FLNB: variants seen among roughly 807,000 people sequenced by gnomAD.
FLNB encodes filamin-B.
Under a neutral mutation model 250.6 loss-of-function variants are expected in FLNB, and 111 were observed. The observed-to-expected ratio is 0.44, with a 90% CI of 0.38 to 0.52. The LOEUF is 0.52. FLNB is among the 20% of genes least tolerant of loss of function. The pLI is 0.00. For synonymous variants in FLNB, 1,302 were observed against 1,372.1 expected, an observed-to-expected ratio of 0.95 and a Z score of 1.13; for missense variants, 2,869 against 3,447.8, an observed-to-expected ratio of 0.83 and a Z score of 4.20.
intron 1 of FLNB, among the ~76,000 whole-genome samples, chr3:58,040,939 T>A (rs755876425): frequency 5.9e-5 from 9 of 152,220 alleles, no homozygotes; most frequent in Admixed American, 3.3e-4. Context: ...TTTCTTAAAG[T>A]TTGATCATTA....
Position 58,008,759 on chromosome 3 carries a change from G to C in FLNB, c.195G>C (p.Lys65Asn). ...EVLSQKRMYR[K>N]YHQRPTFRQM... is the part of the protein sequence containing the mutation. The stretch of plus-strand genomic sequence containing the variant: ...TCAGCCAGAAGCGCATGTACCGCAA[G>C]TACCATCAGCGGCCCACCTTTCGCC... The change falls in exon 1 of 46, where the codon AAG becomes AAC. Residue 65 changes from lysine to asparagine, a missense_variant. Physicochemically the swap from Lys to Asn is moderately conservative, Grantham distance 94. Around this residue, in one of 5 missense-constraint regions of FLNB, gnomAD observed 308 missense variants for 466.1 expected, o/e 0.66. Coordinates refer to ENST00000295956, the MANE Select transcript of FLNB (RefSeq NM_001457.4). 6.2e-7 allele frequency: 1 copy of C among 1,614,076 alleles called. No homozygotes were observed. Among genetic ancestry groups the C allele is most frequent in the Non-Finnish European group, 8.5e-7 (1 of 1,179,956 alleles).
Position 58,170,515 on chromosome 3 carries a change from C to T in FLNB, c.7622-60C>T, listed in dbSNP as rs147160694. 3.4e-4 allele frequency: 534 copies of T among 1,549,328 alleles called. 2 individuals carry two copies. The East Asian group carries it at 0.011, about 33-fold the overall frequency. On this transcript the variant is annotated intron_variant, in intron 45 of 45. Coordinates refer to ENST00000295956, the MANE Select transcript of FLNB (RefSeq NM_001457.4). ...ACCTTACCTTTGGCTCTCATATTTC[C>T]TCTTCTTCCTGTGCCTGTCCTGATG...
intron 25 of FLNB, 111 bp downstream of exon 25, chr3:58,131,019 T>A: frequency 1.0e-6 from 1 of 1,003,000 alleles, no homozygotes; most frequent in Admixed American, 2.7e-5. Context: ...TAAAATTAAA[T>A]TAAAAAAAAT....
At chr3:58,008,949 GC>G in intron 1 of FLNB, 93 bp downstream of exon 1, 3 of 1,491,216 alleles carry the variant, frequency 2.0e-6, no homozygotes, top group Non-Finnish European at 2.8e-6. Flanking sequence ...CCCGCAGCGC[GC>G]CCCCACCTCG....
intron 42 of FLNB, 35 bp downstream of exon 42, chr3:58,159,721 A>T (rs748076244): frequency 3.7e-6 from 6 of 1,607,360 alleles, no homozygotes; most frequent in Non-Finnish European, 8.5e-7. Context: ...TCCCAGCACC[A>T]GCACTTTCCA....
intron 36 of FLNB, 78 bp downstream of exon 36, chr3:58,148,930 C>T: frequency 8.1e-7 from 1 of 1,230,154 alleles, no homozygotes; most frequent in Non-Finnish European, 1.2e-6. Context: ...ATCTTTTCAT[C>T]CTACCAACTC....
intron 9 of FLNB, among the ~76,000 whole-genome samples, chr3:58,102,677 C>G (rs539556189): frequency 7.4e-4 from 113 of 152,282 alleles, no homozygotes; most frequent in African/African-American, 2.7e-3. Context: ...AGGCTCTTGC[C>G]TAAGGTCATA....
At chr3:58,096,662 C>A (rs372441647) in intron 6 of FLNB, among the ~76,000 whole-genome samples, 2 of 152,144 alleles carry the variant, frequency 1.3e-5, no homozygotes, top group Admixed American at 1.3e-4. Context: ...GCACCCACAA[C>A]CACTCCCAGC....
intron 3 of FLNB, among the ~76,000 whole-genome samples, 162 bp downstream of exon 3, chr3:58,078,976 T>C (rs1481391630): frequency 6.6e-6 from 1 of 152,210 alleles, no homozygotes; most frequent in East Asian, 1.9e-4. Flanking sequence ...ATAATAATAG[T>C]AGGTTCTCAT....
chr3:58,097,797 C>A lies in FLNB; in HGVS notation c.985-18C>A. On this transcript the variant is annotated intron_variant, in intron 6 of 45. Coordinates refer to ENST00000295956, the MANE Select transcript of FLNB (RefSeq NM_001457.4). ...CAGAGAAGTGATTATGTATTTCTCA[C>A]CTATCTGTCACCTATAGGTCACAGT... 1.9e-6 allele frequency: 3 copies of A among 1,612,748 alleles called. No homozygotes were observed. Among genetic ancestry groups the A allele is most frequent in the Non-Finnish European group, 2.5e-6 (3 of 1,179,100 alleles).
chr3:58,008,436 C>A lies in FLNB; in HGVS notation c.-129C>A. 1 of 1,129,164 alleles carries A rather than the reference C, an allele frequency of 8.9e-7. No individual in the cohort carries two copies. The highest frequency in any genetic ancestry group is 1.4e-5 in the South Asian group (1 of 72,058). 69.9% of individuals were successfully genotyped at this position (1,129,164 alleles called of 1,614,324 possible). A position where few individuals can be genotyped will look rare whatever the true frequency, so the allele number is the denominator to read the frequency against. ...CGGGCGGCCGCAGAGCAGCACCGGC[C>A]GTGGCTCCGGTAGCAGCAAGTTCGA... On this transcript the variant is annotated 5_prime_UTR_variant, in exon 1 of 46. Transcript: ENST00000295956.
At chr3:58,078,408 A>G in intron 2 of FLNB, 1 of 1,534,736 alleles carries the variant, frequency 6.5e-7, no homozygotes, top group Non-Finnish European at 8.7e-7. Context: ...TCCCTCCTGC[A>G]TAAAGGCACC....
At chr3:58,017,188 G>C (rs2097106866) in intron 1 of FLNB, among the ~76,000 whole-genome samples, 1 of 152,182 alleles carries the variant, frequency 6.6e-6, no homozygotes, top group South Asian at 2.1e-4. Context: ...TGGTACAGAG[G>C]ACGGAATTAC....
chr3:58,163,268 G>T lies in FLNB; in HGVS notation c.7136G>T (p.Gly2379Val), dbSNP rs1396437130. The change falls in exon 43 of 46, where the codon GGA becomes GTA. Residue 2379 changes from glycine (G) to valine (V), a missense_variant. This residue lies in a region of FLNB where 1,084 missense variants were observed against 1,315.5 expected (regional missense o/e 0.82). Transcript: ENST00000295956. ...SPFKVRVGEP[G>V]QAGNPALVSA... ...TTCAAAGTGCGCGTTGGGGAGCCTG[G>T]ACAAGCGGGGAACCCTGCCCTGGTG... 6.2e-7 allele frequency: 1 copy of T among 1,614,252 alleles called. No individual in the cohort carries two copies. Among genetic ancestry groups the T allele is most frequent in the Admixed American group, 1.7e-5 (1 of 60,030 alleles).
intron 4 of FLNB, among the ~76,000 whole-genome samples, chr3:58,093,229 A>T (rs955210596): frequency 2.6e-5 from 4 of 152,208 alleles, no homozygotes; most frequent in Non-Finnish European, 5.9e-5. Flanking sequence ...GCACGGGGCA[A>T]AGTTTAGAGG....
intron 4 of FLNB, among the ~76,000 whole-genome samples, chr3:58,084,361 A>T (rs2097213918): frequency 6.6e-6 from 1 of 152,198 alleles, no homozygotes; most frequent in African/African-American, 2.4e-5. Flanking sequence ...TAATCAAGGC[A>T]TAGTGTATGT....
In FLNB at chr3:58,143,395, AC is replaced by A. The variant is rs1375229047; in HGVS notation, c.5285-77del. 5 of 1,505,440 alleles carry A rather than the reference AC, an allele frequency of 3.3e-6. No homozygotes were observed. The Admixed American group carries it at 8.5e-5, about 25-fold the overall frequency. The allele number at this position is 1,505,440 out of a possible 1,614,324, so 93.3% of individuals were successfully genotyped here. A position where few individuals can be genotyped will look rare whatever the true frequency, so the allele number is the denominator to read the frequency against. The stretch of plus-strand genomic sequence containing the variant: ...GGGTCTGGAAACCTTTATTTTGAAT[AC>A]ATCTGTGCCTTGGGCTCTGCTTCTC... On this transcript the variant is annotated intron_variant, in intron 31 of 45. Transcript: ENST00000295956.
In FLNB at chr3:58,169,234, G is replaced by T; in HGVS notation, c.7418-356G>T. 3.4e-6 allele frequency: 1 copy of T among 297,220 alleles called. No homozygotes were observed. Among genetic ancestry groups the T allele is most frequent in the Non-Finnish European group, 6.4e-6 (1 of 157,044 alleles). The allele number at this position is 297,220 out of a possible 1,614,324, so 18.4% of individuals were successfully genotyped here. On this transcript the variant is annotated intron_variant, in intron 44 of 45. Transcript: ENST00000295956. This position sits in a 1 kb window ranked among gnomAD's most constrained non-coding sequence, Gnocchi z 4.8. ...ATCATTTTTTGATATTTCATTATATGTCATCCCAAACTTTTACACTGCTTA... is the reference window on the plus strand; with the variant it reads ...ATCATTTTTTGATATTTCATTATATTTCATCCCAAACTTTTACACTGCTTA...
At chr3:58,132,770 G>A (rs1249599217) in intron 25 of FLNB, 38 bp from the exon 26 acceptor site, 15 of 1,613,786 alleles carry the variant, frequency 9.3e-6, no homozygotes, top group Admixed American at 1.7e-5. Context: ...TAAAGGTGAG[G>A]CCAGGCAGCT....
Sources: allele counts gnomAD v4.1 joint callset (sites outside exome capture counted in the v4.1 genomes callset), GRCh38; gene constraint gnomAD v4.1.1; regional missense constraint gnomAD v4.1.1; non-coding constraint Gnocchi (gnomAD v3.1); transcripts MANE v1.5; gene names NCBI Gene and HGNC (gene_info 2026-07-23, HGNC 2026-07-21).